The following ROBO1 variants were observed in gnomAD, a reference collection of about 807,000 sequenced individuals.
ROBO1 encodes roundabout guidance receptor 1.
A neutral mutation model predicts 195.9 loss-of-function variants in ROBO1; 149 were observed. The observed-to-expected ratio is 0.76, with a 90% CI of 0.67 to 0.87. The LOEUF is 0.87. Ranked by LOEUF, ROBO1 falls within the 40% of genes least tolerant of loss-of-function variation. The probability of loss-of-function intolerance (pLI) is 0.00; values close to 1 mark genes in which losing one functional copy is unlikely to be tolerated. For synonymous variants in ROBO1, 816 were observed against 733.2 expected (o/e 1.11, Z -1.82); for missense variants, 1,933 against 2,068.3 (o/e 0.93, Z 1.27).
chr3:78,933,059 A>G (rs549908289), intron 4 of ROBO1, among the ~76,000 whole-genome samples: 2 of 152,172 alleles, frequency 1.3e-5, no homozygotes, highest in Non-Finnish European at 2.9e-5. Context: ...GAAGCTAACT[A>G]AACAGATATG....
intron 5 of ROBO1, among the ~76,000 whole-genome samples, chr3:78,736,887 T>C (rs2082404751): frequency 6.6e-6 from 1 of 152,150 alleles, no homozygotes; most frequent in Admixed American, 6.6e-5. Flanking sequence ...TTTCAGGATG[T>C]TCCTTGAGAA....
chr3:79,733,687 TA>T (rs1703250584), intron 1 of ROBO1, among the ~76,000 whole-genome samples: 2 of 152,216 alleles, frequency 1.3e-5, no homozygotes, highest in Non-Finnish European at 2.9e-5. Flanking sequence ...TCTCCTTGAC[TA>T]ATCACAATCA....
At chr3:79,316,401 G>A (rs2033740419) in intron 2 of ROBO1, among the ~76,000 whole-genome samples, 1 of 152,158 alleles carries the variant, frequency 6.6e-6, no homozygotes, top group African/African-American at 2.4e-5. Context: ...TAATGGGAAT[G>A]ATTTTCAGAG....
Position 78,631,206 on chromosome 3 carries a change from G to A in ROBO1, c.3581C>T (p.Pro1194Leu). The A allele has an allele frequency of 6.2e-7, 1 of 1,613,120 alleles. No individual in the cohort carries two copies. The highest frequency in any genetic ancestry group is 8.5e-7 in the Non-Finnish European group (1 of 1,179,528). Residue 1194 changes from proline to leucine, a missense_variant, in exon 25 of 31, where the codon CCT becomes CTT. Physicochemically the swap from Pro to Leu is moderately conservative, Grantham distance 98. Coordinates refer to ENST00000464233, the MANE Select transcript of ROBO1 (RefSeq NM_002941.4). Reference protein sequence around the residue: ...DLLPPPPAHPPPHSNSEEYNI... With the variant: ...DLLPPPPAHPLPHSNSEEYNI... ...GTACTCTTCGCTATTGCTGTGTGGAGGAGGATGTGCTGGGGGAGGAGGAAG... is the reference window on the plus strand; with the variant it reads ...GTACTCTTCGCTATTGCTGTGTGGAAGAGGATGTGCTGGGGGAGGAGGAAG...
intron 2 of ROBO1, among the ~76,000 whole-genome samples, chr3:79,522,814 T>A (rs186903318): frequency 7.9e-5 from 12 of 152,286 alleles, no homozygotes; most frequent in African/African-American, 2.4e-4. Flanking sequence ...AACTTCAAGT[T>A]ATGTTTAATT....
intron 3 of ROBO1, chr3:79,018,256 G>T: frequency 1.2e-6 from 1 of 856,020 alleles, no homozygotes; most frequent in South Asian, 1.6e-5. Context: ...TGCGAACTAG[G>T]AACATTTTCG....
chr3:79,534,352 C>T (rs1157213078), intron 2 of ROBO1, among the ~76,000 whole-genome samples: 1 of 151,966 alleles, frequency 6.6e-6, no homozygotes, highest in Admixed American at 6.6e-5. Flanking sequence ...AATATGCGAC[C>T]ATTTCTATGT....
intron 2 of ROBO1, among the ~76,000 whole-genome samples, chr3:79,417,697 C>T (rs1393303277): frequency 2.0e-5 from 3 of 152,162 alleles, no homozygotes; most frequent in East Asian, 3.9e-4. Flanking sequence ...ACATCACTGT[C>T]GAATCTCTTT....
chr3:78,800,089 C>A (rs758129179), intron 4 of ROBO1, among the ~76,000 whole-genome samples: 1 of 152,156 alleles, frequency 6.6e-6, no homozygotes, highest in Non-Finnish European at 1.5e-5. Context: ...GTGCTGCTCA[C>A]GTTCCTAGAG....
chr3:79,685,301 C>T (rs763165498), intron 1 of ROBO1, among the ~76,000 whole-genome samples: 1 of 152,138 alleles, frequency 6.6e-6, no homozygotes, highest in African/African-American at 2.4e-5. Flanking sequence ...GGGGTGAAAG[C>T]TTATGTAACT....
chr3:79,245,633 C>T (rs2082611337), intron 2 of ROBO1, among the ~76,000 whole-genome samples: 1 of 151,468 alleles, frequency 6.6e-6, no homozygotes, highest in South Asian at 2.1e-4. Context: ...CCCCACCCCA[C>T]CCCTCAAAAA....
intron 2 of ROBO1, among the ~76,000 whole-genome samples, chr3:79,318,415 C>T (rs1328969739): frequency 1.3e-5 from 2 of 152,190 alleles, no homozygotes; most frequent in Non-Finnish European, 2.9e-5. Flanking sequence ...ATATTCCCAT[C>T]CTCTAGTCTA....
At position 78,637,141 on chromosome 3, in the gene ROBO1, G is replaced by GT. The variant is rs532571690; in HGVS notation, c.3038-1034dup. 9.6e-5 allele frequency among the ~76,000 whole-genome samples: 14 copies of GT among 145,238 alleles called. No individual in the cohort carries two copies. In the East Asian group the frequency reaches 2.7e-3, roughly 28 times the overall value. ...CATTAACAAGTCACCTGTAGCATTG[G>GT]TTTTTAACTGGATATGTTTAAAAAT... is the stretch of plus-strand genomic sequence containing the variant. On this transcript the variant is annotated intron_variant, in intron 22 of 30. Coordinates refer to ENST00000464233, the MANE Select transcript of ROBO1 (RefSeq NM_002941.4).
intron 2 of ROBO1, among the ~76,000 whole-genome samples, chr3:79,340,807 A>G (rs1424792433): frequency 5.9e-5 from 9 of 152,228 alleles, no homozygotes; most frequent in Admixed American, 5.9e-4. Flanking sequence ...CACAAGAAAT[A>G]TATTGAAGGT....
At chr3:78,752,805 G>C (rs907912836) in intron 4 of ROBO1, among the ~76,000 whole-genome samples, 3 of 152,060 alleles carry the variant, frequency 2.0e-5, no homozygotes, top group Non-Finnish European at 4.4e-5. Context: ...TCTGTATAAA[G>C]TTTCCTAAAG....
Position 79,481,290 on chromosome 3 carries a change from C to G in ROBO1, c.88+108534G>C, listed in dbSNP as rs139468431. On this transcript the variant is annotated intron_variant, in intron 2 of 30. Coordinates refer to ENST00000464233, the MANE Select transcript of ROBO1 (RefSeq NM_002941.4). ...AAGATATTAGTAGAATGGAGCTCAG[C>G]TGAATTTTGTCGAACACAATTTTAT... Among the ~76,000 whole-genome samples the G allele has an allele frequency of 2.3e-3, 343 of 152,160 alleles. 2 individuals are homozygous for G. Among genetic ancestry groups the G allele is most frequent in the African/African-American group, 7.7e-3 (321 of 41,528 alleles).
Position 78,988,240 on chromosome 3 carries a change from G to A in ROBO1, c.173-49313C>T, listed in dbSNP as rs183806529. On this transcript the variant is annotated intron_variant, in intron 3 of 30. Coordinates refer to ENST00000464233, the MANE Select transcript of ROBO1 (RefSeq NM_002941.4). ...AATTCGAAGTTCCCTTTTTGTCAGC[G>A]TTTTCATCACAATTAAACAGAGCTA... Among the ~76,000 whole-genome samples, 595 of 151,946 alleles carry A rather than the reference G, an allele frequency of 3.9e-3. 5 individuals carry two copies. Among genetic ancestry groups the A allele is most frequent in the African/African-American group, 0.014 (567 of 41,426 alleles).
intron 14 of ROBO1, among the ~76,000 whole-genome samples, chr3:78,662,369 GAC>G (rs1187804243): frequency 1.3e-5 from 2 of 152,144 alleles, no homozygotes; most frequent in Admixed American, 6.5e-5. Context: ...AGGAAGCAAA[GAC>G]AACAATGGCA....
intron 1 of ROBO1, among the ~76,000 whole-genome samples, chr3:79,656,656 A>T (rs992791218): frequency 4.6e-5 from 7 of 151,938 alleles, no homozygotes; most frequent in Admixed American, 6.6e-5. Context: ...GCACTTTGGG[A>T]GACTGAGGCA....
Sources: allele counts gnomAD v4.1 joint callset (sites outside exome capture counted in the v4.1 genomes callset), GRCh38; gene constraint gnomAD v4.1.1; transcripts MANE v1.5; gene names NCBI Gene and HGNC (gene_info 2026-07-23, HGNC 2026-07-21).